Variants in PRRC2B observed in about 807,000 individuals in gnomAD.
The protein encoded by PRRC2B is protein PRRC2B.
PRRC2B carries 68 observed loss-of-function variants against 242.3 expected under a neutral mutation model. That is an observed-to-expected ratio of 0.28 (90% CI 0.23 to 0.34). PRRC2B has a LOEUF of 0.34. Among genes scored for constraint, PRRC2B ranks in the 10% least tolerant of loss-of-function variants. PRRC2B has a pLI of 1.00. For missense variants in PRRC2B, 2,835 were observed against 2,954.8 expected, an observed-to-expected ratio of 0.96 and a Z score of 0.94; for synonymous variants, 1,228 against 1,173.6, an observed-to-expected ratio of 1.05 and a Z score of -0.95.
At chr9:131,455,336 G>C (rs1484538490) in intron 10 of PRRC2B, among the ~76,000 whole-genome samples, 170 bp downstream of exon 10, 1 of 152,086 alleles carries the variant, frequency 6.6e-6, no homozygotes, top group African/African-American at 2.4e-5. Context: ...AGGGGAGCCA[G>C]GGTTTGCCTG....
chr9:131,491,508 C>G lies in PRRC2B; in HGVS notation c.6309C>G (p.Ser2103Arg). The G allele has an allele frequency of 6.2e-7, 1 of 1,612,532 alleles. No individual in the cohort carries two copies. The highest frequency in any genetic ancestry group is 8.5e-7 in the Non-Finnish European group (1 of 1,179,636). ...CTATTCAGCTGCCACCTGGGCAGAG[C>G]CTCTCCGTTGGGGCCCCCCGAAGGA... Reference protein sequence around the residue: ...PQSIQLPPGQSLSVGAPRRIP... With the variant: ...PQSIQLPPGQRLSVGAPRRIP... Residue 2103 changes from serine to arginine, a missense_variant, in exon 29 of 32, where the codon AGC (serine) becomes AGG (arginine). Physicochemically the swap from Ser to Arg is moderately radical, Grantham distance 110. Transcript: ENST00000683519.
chr9:131,470,140 A>G (rs766356178), intron 13 of PRRC2B, among the ~76,000 whole-genome samples: 1 of 152,186 alleles, frequency 6.6e-6, no homozygotes, highest in Non-Finnish European at 1.5e-5. Flanking sequence ...ATGGAGCAGA[A>G]AGTGGAGGGC....
Position 131,482,291 on chromosome 9 carries a change from C to T in PRRC2B, c.4984-80C>T. ...GGACAGGCAGCTGGGGTAGAAAAGT[C>T]TCTGTGCCACATGCAGTTTTACTCT... On this transcript the variant is annotated intron_variant, in intron 20 of 31. Coordinates refer to ENST00000683519, the MANE Select transcript of PRRC2B (RefSeq NM_013318.4). The surrounding 1 kb of genome is among the most constrained non-coding windows in gnomAD (Gnocchi z 5.2). 6.9e-7 allele frequency: 1 copy of T among 1,444,308 alleles called. No homozygotes were observed. Among genetic ancestry groups the T allele is most frequent in the Non-Finnish European group, 9.4e-7 (1 of 1,068,854 alleles). The allele number at this position is 1,444,308 out of a possible 1,614,324, so 89.5% of individuals were successfully genotyped here. A position where few individuals can be genotyped will look rare whatever the true frequency, so the allele number is the denominator to read the frequency against.
Position 131,494,929 on chromosome 9 carries a change from T to C in PRRC2B, c.6555+443T>C, listed in dbSNP as rs183376141. The stretch of plus-strand genomic sequence containing the variant: ...TTCCCATTTTATAATGAAAAGGACA[T>C]CGCAGTGTCTTTTCCTGCACGCACT... On this transcript the variant is annotated intron_variant, in intron 31 of 31. Coordinates refer to ENST00000683519, the MANE Select transcript of PRRC2B (RefSeq NM_013318.4). The surrounding 1 kb of genome is among the most constrained non-coding windows in gnomAD (Gnocchi z 4.3). 6.6e-6 allele frequency among the ~76,000 whole-genome samples: 1 copy of C among 152,198 alleles called. No homozygotes were observed. The highest frequency in any genetic ancestry group is 2.4e-5 in the African/African-American group (1 of 41,452).
intron 13 of PRRC2B, among the ~76,000 whole-genome samples, chr9:131,469,658 G>C (rs925484720): frequency 4.6e-5 from 7 of 152,180 alleles, no homozygotes; most frequent in African/African-American, 1.7e-4. Flanking sequence ...AGGCCGTTTG[G>C]GTGTCCTCAG....
intron 1 of PRRC2B, among the ~76,000 whole-genome samples, chr9:131,387,358 G>T (rs574000489): frequency 1.3e-5 from 2 of 148,988 alleles, no homozygotes; most frequent in South Asian, 4.3e-4. Flanking sequence ...CAGCTGATTG[G>T]ATTGTGCCCA....
Position 131,462,836 on chromosome 9 carries a change from T to TGA in PRRC2B, c.1405-1927_1405-1926insGA, listed in dbSNP as rs1554763506. On this transcript the variant is annotated intron_variant, in intron 11 of 31. Coordinates refer to ENST00000683519, the MANE Select transcript of PRRC2B (RefSeq NM_013318.4). ...CTGGGTGACAGAGTGAGACTCCGTC[T>TGA]AAAAAAAAAAAAAAAAAAAAGGTCT... Among the ~76,000 whole-genome samples the TGA allele has an allele frequency of 4.9e-5, 4 of 81,940 alleles. 1 individual carries two copies. The highest frequency in any genetic ancestry group is 2.2e-5 in the Non-Finnish European group (1 of 44,538). The allele number at this position is 81,940 out of a possible 152,430, so 53.8% of individuals were successfully genotyped here. A position where few individuals can be genotyped will look rare whatever the true frequency, so the allele number is the denominator to read the frequency against.
At chr9:131,461,350 C>T (rs973862335) in intron 11 of PRRC2B, among the ~76,000 whole-genome samples, 1 of 152,154 alleles carries the variant, frequency 6.6e-6, no homozygotes, top group Non-Finnish European at 1.5e-5. Flanking sequence ...ATGCCCTCCT[C>T]CCCTTGCCTG....
At chr9:131,441,811 G>A (rs773473803) in intron 5 of PRRC2B, among the ~76,000 whole-genome samples, 2 of 152,168 alleles carry the variant, frequency 1.3e-5, no homozygotes, top group Non-Finnish European at 2.9e-5. Context: ...GCATGTTTGG[G>A]CAGAGGTCAG....
At chr9:131,423,551 C>T (rs920510218) in intron 1 of PRRC2B, among the ~76,000 whole-genome samples, 2 of 152,160 alleles carry the variant, frequency 1.3e-5, no homozygotes, top group Admixed American at 1.3e-4. Context: ...ATCCCTGCAA[C>T]GGGAGGAAAT....
At chr9:131,471,072 T>G in intron 14 of PRRC2B, 89 bp downstream of exon 14, 1 of 935,842 alleles carries the variant, frequency 1.1e-6, no homozygotes, top group Non-Finnish European at 1.6e-6. Flanking sequence ...CAGATACACC[T>G]GGATTTTGGT....
At chr9:131,407,285 A>G (rs1260815289) in intron 1 of PRRC2B, among the ~76,000 whole-genome samples, 4 of 152,058 alleles carry the variant, frequency 2.6e-5, no homozygotes, top group African/African-American at 9.7e-5. Context: ...GGGCAGTGCA[A>G]TACGGTTTTT....
At chr9:131,493,018 C>A (rs1455019635) in intron 30 of PRRC2B, among the ~76,000 whole-genome samples, 1 of 152,166 alleles carries the variant, frequency 6.6e-6, no homozygotes, top group Non-Finnish European at 1.5e-5. Context: ...AGGTTAACAC[C>A]ATCGCTGCAG....
At position 131,446,716 on chromosome 9, in the gene PRRC2B, A is replaced by G; in HGVS notation, c.855+74A>G. On this transcript the variant is annotated intron_variant, in intron 7 of 31. Transcript: ENST00000683519. This position sits in a 1 kb window ranked among gnomAD's most constrained non-coding sequence, Gnocchi z 4.1. ...TCCAGCAGATAGGTCAAGTGGTTGA[A>G]TGTCCCCCTTGGGGTCTCCTCTTGG... The G allele has an allele frequency of 3.2e-6, 5 of 1,552,050 alleles. No homozygotes were observed. Among genetic ancestry groups the G allele is most frequent in the Non-Finnish European group, 4.4e-6 (5 of 1,136,090 alleles).
chr9:131,401,304 A>C (rs1407908867), intron 1 of PRRC2B, among the ~76,000 whole-genome samples: 1 of 151,648 alleles, frequency 6.6e-6, no homozygotes, highest in African/African-American at 2.4e-5. Flanking sequence ...CATCTTCCCA[A>C]ACTGAAACTC....
chr9:131,382,225 C>T (rs1223480895), intron 1 of PRRC2B, among the ~76,000 whole-genome samples: 1 of 152,120 alleles, frequency 6.6e-6, no homozygotes, highest in Non-Finnish European at 1.5e-5. Context: ...CTATGTTGGT[C>T]AGGATGGTCT....
At chr9:131,410,754 AC>A (rs1442578342) in intron 1 of PRRC2B, among the ~76,000 whole-genome samples, 5 of 151,998 alleles carry the variant, frequency 3.3e-5, no homozygotes, top group African/African-American at 7.3e-5. Flanking sequence ...ACCTCACCTG[AC>A]TGGAGGAGCT....
chr9:131,490,015 A>G (rs996434009), intron 28 of PRRC2B, among the ~76,000 whole-genome samples: 3 of 152,048 alleles, frequency 2.0e-5, no homozygotes, highest in African/African-American at 7.2e-5. Context: ...TTCAAGAGTC[A>G]TGGCTCTAAA....
chr9:131,383,056 C>T (rs1423110314), intron 1 of PRRC2B, among the ~76,000 whole-genome samples: 1 of 152,140 alleles, frequency 6.6e-6, no homozygotes, highest in Admixed American at 6.6e-5. Flanking sequence ...CATCCCCAGG[C>T]CTTTGTTCAT....
Sources: allele counts gnomAD v4.1 joint callset (sites outside exome capture counted in the v4.1 genomes callset), GRCh38; gene constraint gnomAD v4.1.1; non-coding constraint Gnocchi (gnomAD v3.1); transcripts MANE v1.5; gene names NCBI Gene and HGNC (gene_info 2026-07-23, HGNC 2026-07-21).